The following MALRD1 variants were observed in gnomAD, a reference collection of about 807,000 sequenced individuals.
MALRD1 encodes the protein MAM and LDL receptor class A domain containing 1.
MALRD1 carries 247 observed loss-of-function variants against 242.1 expected under a neutral mutation model. That is an observed-to-expected ratio of 1.02 (90% CI 0.92 to 1.13). The LOEUF (loss-of-function observed/expected upper bound fraction) is 1.13, where lower values mean the gene tolerates loss of function less well. Among genes scored for constraint, MALRD1 ranks in the 50% most tolerant of loss-of-function variants. The pLI is 0.00. For missense variants in MALRD1, 2,989 were observed against 2,533.1 expected, an observed-to-expected ratio of 1.18 and a Z score of -3.86; for synonymous variants, 995 against 866.6, an observed-to-expected ratio of 1.15 and a Z score of -2.60.
intron 18 of MALRD1, among the ~76,000 whole-genome samples, chr10:19,243,093 A>G (rs1564497022): frequency 7.0e-6 from 1 of 142,268 alleles, no homozygotes; most frequent in African/African-American, 2.6e-5. Context: ...TATCCGCTGT[A>G]ATTTATTTCT....
At chr10:19,522,121 AATAATC>A (rs61132170) in intron 31 of MALRD1, among the ~76,000 whole-genome samples, 31,297 of 151,888 alleles carry the variant, frequency 0.21, 4,954 homozygotes, top group African/African-American at 0.45. Context: ...TGGTCCGCCA[AATAATC>A]AGAGGCTCTT....
intron 28 of MALRD1, among the ~76,000 whole-genome samples, chr10:19,437,774 C>G (rs533600283): frequency 5.9e-5 from 9 of 152,132 alleles, no homozygotes; most frequent in Non-Finnish European, 8.8e-5. Context: ...CCCATCGATA[C>G]AGTAATACAT....
intron 14 of MALRD1, 127 bp from the exon 15 acceptor site, chr10:19,203,601 T>A (rs1426656804): frequency 9.3e-6 from 8 of 858,000 alleles, no homozygotes; most frequent in Non-Finnish European, 1.3e-5. Context: ...TTTTCTGAAA[T>A]GTGTCCCTCA....
At chr10:19,596,861 G>C (rs776667660) in intron 34 of MALRD1, among the ~76,000 whole-genome samples, 8 of 151,166 alleles carry the variant, frequency 5.3e-5, no homozygotes, top group Non-Finnish European at 1.2e-4. Context: ...GGACAGAGAG[G>C]AGGAAGGAAG....
At chr10:19,174,396 C>T (rs1835134314) in intron 13 of MALRD1, among the ~76,000 whole-genome samples, 1 of 152,088 alleles carries the variant, frequency 6.6e-6, no homozygotes, top group Non-Finnish European at 1.5e-5. Flanking sequence ...GTTCTGAGCC[C>T]TGGCACAAGT....
chr10:19,616,095 G>A (rs1274627371), intron 36 of MALRD1, among the ~76,000 whole-genome samples, 172 bp downstream of exon 36: 2 of 151,848 alleles, frequency 1.3e-5, no homozygotes, highest in Non-Finnish European at 2.9e-5. Context: ...GAATATGTGA[G>A]TGCATTTTAG....
chr10:19,464,927 C>G (rs1379221156), intron 29 of MALRD1, among the ~76,000 whole-genome samples: 1 of 145,314 alleles, frequency 6.9e-6, no homozygotes. Flanking sequence ...TCTTTCACCT[C>G]CTTGGTTAGG....
chr10:19,519,892 G>A (rs1833801227), intron 31 of MALRD1, among the ~76,000 whole-genome samples: 1 of 152,116 alleles, frequency 6.6e-6, no homozygotes, highest in East Asian at 1.9e-4. Flanking sequence ...CAAATGAAGA[G>A]GGGTTCTTAC....
intron 28 of MALRD1, among the ~76,000 whole-genome samples, chr10:19,393,790 C>T (rs1384691836): frequency 6.7e-6 from 1 of 150,210 alleles, no homozygotes; most frequent in Non-Finnish European, 1.5e-5. Context: ...AATATGTATA[C>T]ATGAATACAC....
At chr10:19,585,538 A>G (rs1192266076) in intron 33 of MALRD1, among the ~76,000 whole-genome samples, 1 of 152,150 alleles carries the variant, frequency 6.6e-6, no homozygotes, top group African/African-American at 2.4e-5. Context: ...TTCTTTAAGA[A>G]TGTTGAATAT....
chr10:19,053,432 G>A (rs143715496), intron 1 of MALRD1, among the ~76,000 whole-genome samples: 58 of 152,146 alleles, frequency 3.8e-4, no homozygotes, highest in African/African-American at 1.4e-3. Context: ...CAAGATCCTC[G>A]GCAGGAATTA....
chr10:19,501,937 G>A (rs768193078), intron 31 of MALRD1, among the ~76,000 whole-genome samples: 1 of 150,884 alleles, frequency 6.6e-6, no homozygotes, highest in Non-Finnish European at 1.5e-5. Context: ...GCTGAGGCAG[G>A]AGAATGGCTT....
intron 36 of MALRD1, among the ~76,000 whole-genome samples, chr10:19,660,959 C>T (rs1160367251): frequency 6.6e-6 from 1 of 152,104 alleles, no homozygotes; most frequent in African/African-American, 2.4e-5. Context: ...ACAACCCCAT[C>T]AAAAAGTGGG....
At chr10:19,578,675 GA>G (rs1426508540) in intron 33 of MALRD1, among the ~76,000 whole-genome samples, 2 of 151,446 alleles carry the variant, frequency 1.3e-5, no homozygotes, top group African/African-American at 2.4e-5. Context: ...CTGGGGGACA[GA>G]AAAGAGTTGA....
At chr10:19,357,046 G>T (rs1219862151) in intron 26 of MALRD1, among the ~76,000 whole-genome samples, 1 of 151,584 alleles carries the variant, frequency 6.6e-6, no homozygotes, top group African/African-American at 2.4e-5. Flanking sequence ...GGAGGCGGAG[G>T]TTGCAGTGAG....
chr10:19,304,337 ATCTCTC>A (rs1158520774), intron 21 of MALRD1, among the ~76,000 whole-genome samples: 2 of 149,450 alleles, frequency 1.3e-5, no homozygotes, highest in Non-Finnish European at 3.0e-5. Flanking sequence ...TCTATCCCTC[ATCTCTC>A]TCTCTCTCTC....
At chr10:19,370,046 T>C (rs1845305886) in intron 26 of MALRD1, among the ~76,000 whole-genome samples, 1 of 152,180 alleles carries the variant, frequency 6.6e-6, no homozygotes, top group African/African-American at 2.4e-5. Context: ...AGCTTTTACA[T>C]ATAGGCCTCT....
chr10:19,645,060 C>T (rs1360716431), intron 36 of MALRD1, among the ~76,000 whole-genome samples: 5 of 152,106 alleles, frequency 3.3e-5, no homozygotes, highest in African/African-American at 1.2e-4. Context: ...GATCATTTTT[C>T]TTATTTTCTC....
rs146547911 is a variant in MALRD1, at chr10:19,609,281, T to C, written c.6070+1379T>C. ...TGTTGACACAGATATTGGGTTAGAG[T>C]AAAATAAAGAACTGGTGAAATACAG... On this transcript the variant is annotated intron_variant, in intron 35 of 39. Coordinates refer to ENST00000454679, the MANE Select transcript of MALRD1 (RefSeq NM_001142308.3). Among the ~76,000 whole-genome samples, 59 of 152,134 alleles carry C rather than the reference T, an allele frequency of 3.9e-4. 1 individual carries two copies. Among genetic ancestry groups the C allele is most frequent in the Non-Finnish European group, 7.8e-4 (53 of 67,950 alleles).
Sources: gnomAD v4.1 joint callset for allele counts (sites outside exome capture counted in the v4.1 genomes callset) on GRCh38, gnomAD v4.1.1 for gene constraint, MANE v1.5 for transcripts, NCBI Gene and HGNC (gene_info 2026-07-23, HGNC 2026-07-21) for gene names.